Variants in DEFB131B observed in about 807,000 individuals in gnomAD.
DEFB131B encodes the protein beta-defensin 131B.
A neutral mutation model predicts 2.1 loss-of-function variants in DEFB131B; 2 were observed. The observed-to-expected ratio is 0.94, with a 90% CI of 0.38 to 2.95. DEFB131B has a LOEUF of 2.95. Ranked by LOEUF, DEFB131B falls within the 30% of genes most tolerant of loss-of-function variation. The pLI is 0.09. For missense variants in DEFB131B, 77 were observed against 78.5 expected, an observed-to-expected ratio of 0.98 and a Z score of 0.07; for synonymous variants, 26 against 25.8, an observed-to-expected ratio of 1.01 and a Z score of -0.03.
chr11:71,880,824 A>G (rs903676572), intron 1 of DEFB131B, among the ~76,000 whole-genome samples: 2 of 152,172 alleles, frequency 1.3e-5, no homozygotes, highest in Non-Finnish European at 2.9e-5. Flanking sequence ...ATAGTTTCCA[A>G]AGTTCTTCCT....
intron 1 of DEFB131B, among the ~76,000 whole-genome samples, chr11:71,882,213 TAAA>T (rs59043498): frequency 7.0e-6 from 1 of 143,702 alleles, no homozygotes; most frequent in African/African-American, 2.5e-5. Flanking sequence ...TTTAAAATGT[TAAA>T]AAAAAAAAAA....
chr11:71,883,792 T>C lies in DEFB131B; in HGVS notation c.59-615T>C, dbSNP rs533070819. On this transcript the variant is annotated intron_variant, in intron 1 of 1. Coordinates refer to ENST00000530210, the MANE Select transcript of DEFB131B (RefSeq NM_001242853.1). Reference sequence around the variant, plus strand: ...TTATAGGCTCCTGTCCATATCTCAGTAACTTCCTCAGTAAAGGAGACATGG... The same window carrying C: ...TTATAGGCTCCTGTCCATATCTCAGCAACTTCCTCAGTAAAGGAGACATGG... Among the ~76,000 whole-genome samples the C allele has an allele frequency of 2.0e-5, 3 of 152,330 alleles. No individual in the cohort carries two copies. In the East Asian group the frequency reaches 5.8e-4, roughly 29 times the overall value.
intron 1 of DEFB131B, among the ~76,000 whole-genome samples, chr11:71,880,262 T>C (rs1369598663): frequency 2.0e-5 from 3 of 152,136 alleles, no homozygotes; most frequent in African/African-American, 4.8e-5. Flanking sequence ...GATTGATTAT[T>C]GGTGTTGGTA....
chr11:71,884,478 G>C lies in DEFB131B; in HGVS notation c.130G>C (p.Glu44Gln). The change falls in exon 2 of 2, where the codon GAA becomes CAA. Residue 44 changes from glutamate to glutamine, a missense_variant. Glu to Gln is a conservative substitution (Grantham distance 29). Coordinates refer to ENST00000530210, the MANE Select transcript of DEFB131B (RefSeq NM_001242853.1). ...YHCRLKCNAD[E>Q]HAIRYCADFS... is the part of the protein sequence containing the mutation. ...TTGCAGACTGAAGTGCAATGCTGAT[G>C]AACATGCAATTAGATACTGTGCTGA... 1 of 1,610,330 alleles carries C rather than the reference G, an allele frequency of 6.2e-7. No homozygotes were observed. The highest frequency in any genetic ancestry group is 1.7e-5 in the Admixed American group (1 of 59,938).
intron 1 of DEFB131B, among the ~76,000 whole-genome samples, chr11:71,879,110 A>G (rs1434447454): frequency 6.6e-6 from 1 of 152,210 alleles, no homozygotes; most frequent in Non-Finnish European, 1.5e-5. Flanking sequence ...AAAAATGAAA[A>G]GCGAATGAAG....
At chr11:71,881,347 C>T (rs1412659600) in intron 1 of DEFB131B, among the ~76,000 whole-genome samples, 1 of 152,076 alleles carries the variant, frequency 6.6e-6, no homozygotes, top group African/African-American at 2.4e-5. Context: ...GCCATTCTTG[C>T]ATTGCTATAG....
intron 1 of DEFB131B, 36 bp downstream of exon 1, chr11:71,878,546 A>T (rs563480732): frequency 1.3e-6 from 2 of 1,594,934 alleles, no homozygotes; most frequent in South Asian, 2.3e-5. Context: ...AAGTTCTAAA[A>T]ATATAAGTAA....
At chr11:71,882,424 T>C (rs1952573920) in intron 1 of DEFB131B, among the ~76,000 whole-genome samples, 1 of 152,154 alleles carries the variant, frequency 6.6e-6, no homozygotes, top group Non-Finnish European at 1.5e-5. Flanking sequence ...AGAGACTGGG[T>C]TTCACTAGTT....
At chr11:71,879,232 G>C (rs1018110423) in intron 1 of DEFB131B, among the ~76,000 whole-genome samples, 7 of 152,098 alleles carry the variant, frequency 4.6e-5, no homozygotes, top group African/African-American at 1.5e-4. Context: ...TTCCTTTAAA[G>C]TTGAATAAAA....
intron 1 of DEFB131B, among the ~76,000 whole-genome samples, chr11:71,882,909 T>C (rs1203035525): frequency 6.6e-6 from 1 of 152,192 alleles, no homozygotes; most frequent in Non-Finnish European, 1.5e-5. Context: ...AGTTGCAGGA[T>C]AGAAAATCAA....
chr11:71,878,554 T>C, intron 1 of DEFB131B, 44 bp downstream of exon 1: 1 of 1,585,906 alleles, frequency 6.3e-7, no homozygotes, highest in Non-Finnish European at 8.6e-7. Flanking sequence ...AAAATATAAG[T>C]AAAAGAAAAT....
In DEFB131B at chr11:71,878,857, AG is replaced by A. The variant is rs144663991; in HGVS notation, c.58+349del. Among the ~76,000 whole-genome samples, 1,452 of 152,004 alleles carry A rather than the reference AG, an allele frequency of 9.6e-3. 10 individuals carry two copies. Among genetic ancestry groups the A allele is most frequent in the Non-Finnish European group, 0.015 (1,007 of 67,970 alleles). ...AAAAAAAAAATACAAAAAATTAGTCAGGTATAGTGGCGCGTGCCTGTGGTTC... is the reference window on the plus strand; with the variant it reads ...AAAAAAAAAATACAAAAAATTAGTCAGTATAGTGGCGCGTGCCTGTGGTTC... On this transcript the variant is annotated intron_variant, in intron 1 of 1. Transcript: ENST00000530210.
At chr11:71,878,796 G>T (rs1214849838) in intron 1 of DEFB131B, among the ~76,000 whole-genome samples, 2 of 151,700 alleles carry the variant, frequency 1.3e-5, no homozygotes, top group Non-Finnish European at 2.9e-5. Flanking sequence ...GACCAGCCCG[G>T]TGGGGGCAAC....
intron 1 of DEFB131B, among the ~76,000 whole-genome samples, 163 bp downstream of exon 1, chr11:71,878,673 G>C (rs911112374): frequency 2.0e-5 from 3 of 152,118 alleles, no homozygotes; most frequent in Admixed American, 6.6e-5. Flanking sequence ...TAAATAAGGT[G>C]GTTCACTGCA....
rs1173031014 is a variant in DEFB131B, at chr11:71,884,432, A to G, written c.84A>G (p.Glu28=). ...CCAGAAGCTTCACTTCTAATGATGAATGTCCTTCAGAATATTATCATTGCA... is the reference window on the plus strand; with the variant it reads ...CCAGAAGCTTCACTTCTAATGATGAGTGTCCTTCAGAATATTATCATTGCA... ...PPTRSFTSND[E]CPSEYYHCRL... is the part of the protein sequence containing the mutation. The change falls in exon 2 of 2, where the codon GAA becomes GAG. Residue 28 remains glutamate (E), a synonymous_variant. Coordinates refer to ENST00000530210, the MANE Select transcript of DEFB131B (RefSeq NM_001242853.1). 3 of 1,600,630 alleles carry G rather than the reference A, an allele frequency of 1.9e-6. No individual in the cohort carries two copies. The South Asian group carries it at 3.4e-5, about 18-fold the overall frequency.
chr11:71,882,113 GA>G (rs1232540773), intron 1 of DEFB131B, among the ~76,000 whole-genome samples: 9 of 151,182 alleles, frequency 6.0e-5, no homozygotes, highest in Non-Finnish European at 1.2e-4. Context: ...GCCAGGAGGG[GA>G]AAAAATCTTT....
chr11:71,883,951 A>G (rs986825117), intron 1 of DEFB131B, among the ~76,000 whole-genome samples: 2 of 152,114 alleles, frequency 1.3e-5, no homozygotes, highest in Non-Finnish European at 2.9e-5. Flanking sequence ...CCACTTTTCC[A>G]CCACCATATC....
At chr11:71,882,970 AG>A (rs1952582942) in intron 1 of DEFB131B, among the ~76,000 whole-genome samples, 1 of 152,196 alleles carries the variant, frequency 6.6e-6, no homozygotes, top group African/African-American at 2.4e-5. Flanking sequence ...GCAACTGGAA[AG>A]CAAGTAAAGA....
At chr11:71,882,265 T>G (rs1458602759) in intron 1 of DEFB131B, among the ~76,000 whole-genome samples, 2 of 149,006 alleles carry the variant, frequency 1.3e-5, no homozygotes, top group Admixed American at 1.3e-4. Flanking sequence ...CAAAATTATC[T>G]TTTTTTTTTA....
Sources: gnomAD v4.1 joint callset for allele counts (sites outside exome capture counted in the v4.1 genomes callset) on GRCh38, gnomAD v4.1.1 for gene constraint, MANE v1.5 for transcripts, NCBI Gene and HGNC (gene_info 2026-07-23, HGNC 2026-07-21) for gene names.